HYCC1: variants seen among roughly 807,000 people sequenced by gnomAD.
HYCC1 encodes the protein hyccin PI4KA lipid kinase complex subunit 1.
chr7:23,008,868 T>A, the HYCC1 span, among the ~76,000 whole-genome samples: 25 of 151,994 alleles, frequency 1.6e-4, no homozygotes, highest in African/African-American at 5.6e-4. Flanking sequence ...TAAATTTTTT[T>A]AAAAACTGTG....
chr7:22,947,144 T>C, the HYCC1 span: 2 of 1,549,836 alleles, frequency 1.3e-6, no homozygotes, highest in African/African-American at 1.4e-5. Flanking sequence ...GTGTTCTGCC[T>C]TTTTCCCCAT....
chr7:22,945,459 G>T, the HYCC1 span: 1 of 728,242 alleles, frequency 1.4e-6, no homozygotes, highest in Non-Finnish European at 2.5e-6. Flanking sequence ...ATAAAGTCAG[G>T]GGAGCCTTCA....
chr7:23,006,123 A>T, the HYCC1 span, among the ~76,000 whole-genome samples: 1 of 152,208 alleles, frequency 6.6e-6, no homozygotes, highest in African/African-American at 2.4e-5. Flanking sequence ...CCCCATAGGA[A>T]GGGAATGGGG....
At chr7:22,919,308 C>A in the HYCC1 span, among the ~76,000 whole-genome samples, 2,408 of 152,268 alleles carry the variant, frequency 0.016, 67 homozygotes, top group African/African-American at 0.055. Context: ...GCAGGGGGAT[C>A]ACCTGAAGTT....
the HYCC1 span, among the ~76,000 whole-genome samples, chr7:22,897,946 T>C: frequency 1.3e-5 from 2 of 152,090 alleles, no homozygotes; most frequent in Non-Finnish European, 2.9e-5. Context: ...AGCATTCTTA[T>C]TGCTATCATC....
At chr7:22,919,934 A>G in the HYCC1 span, among the ~76,000 whole-genome samples, 1 of 152,256 alleles carries the variant, frequency 6.6e-6, no homozygotes, top group East Asian at 1.9e-4. Context: ...TTGAGAAAAC[A>G]TTAATCTACA....
chr7:22,918,151 C>T, the HYCC1 span, among the ~76,000 whole-genome samples: 2 of 152,150 alleles, frequency 1.3e-5, no homozygotes, highest in African/African-American at 4.8e-5. Context: ...AACTCGCCAA[C>T]CAAGCAAATA....
At chr7:22,908,031 T>G in the HYCC1 span, among the ~76,000 whole-genome samples, 1 of 152,348 alleles carries the variant, frequency 6.6e-6, no homozygotes, top group Admixed American at 6.5e-5. Flanking sequence ...AAGGTTCTCA[T>G]GCAGGCAGTC....
chr7:23,008,803 A>G, the HYCC1 span, among the ~76,000 whole-genome samples: 4 of 152,066 alleles, frequency 2.6e-5, no homozygotes, highest in Non-Finnish European at 4.4e-5. Flanking sequence ...AAACAGCATT[A>G]AAATAACTGA....
At chr7:22,928,994 T>A in the HYCC1 span, among the ~76,000 whole-genome samples, 4 of 151,988 alleles carry the variant, frequency 2.6e-5, no homozygotes, top group Non-Finnish European at 5.9e-5. Flanking sequence ...AAAACAGAGA[T>A]ATAGACCAAT....
chr7:22,952,448 G>C, the HYCC1 span, among the ~76,000 whole-genome samples: 1 of 152,008 alleles, frequency 6.6e-6, no homozygotes, highest in South Asian at 2.1e-4. Context: ...ATGCCCCTAA[G>C]GCAGAATGGC....
At chr7:22,911,177 T>C in the HYCC1 span, among the ~76,000 whole-genome samples, 1 of 152,188 alleles carries the variant, frequency 6.6e-6, no homozygotes. Context: ...AATACTGAAA[T>C]TGGACCTGTG....
chr7:22,965,594 TAAA>T, the HYCC1 span, among the ~76,000 whole-genome samples: 1 of 114,698 alleles, frequency 8.7e-6, no homozygotes. Flanking sequence ...ACATGGAAAC[TAAA>T]AAAAAAAAAA....
chr7:22,911,248 C>T, the HYCC1 span, among the ~76,000 whole-genome samples: 1 of 152,122 alleles, frequency 6.6e-6, no homozygotes, highest in Admixed American at 6.6e-5. Flanking sequence ...ATGAGAGCAA[C>T]ATTGTGTAGG....
At chr7:22,979,315 A>C in the HYCC1 span, among the ~76,000 whole-genome samples, 4 of 152,352 alleles carry the variant, frequency 2.6e-5, no homozygotes, top group East Asian at 5.8e-4. Context: ...ACACTAAGTC[A>C]AACTAGTCTT....
the HYCC1 span, among the ~76,000 whole-genome samples, chr7:22,906,045 T>C: frequency 2.6e-5 from 4 of 152,156 alleles, no homozygotes; most frequent in African/African-American, 4.8e-5. Flanking sequence ...TACAGTGCCA[T>C]TACTGATGAT....
the HYCC1 span, among the ~76,000 whole-genome samples, chr7:22,998,923 C>T: frequency 6.6e-6 from 1 of 152,208 alleles, no homozygotes; most frequent in African/African-American, 2.4e-5. Context: ...ATCCATGCCA[C>T]TCCAGGCTCC....
the HYCC1 span, among the ~76,000 whole-genome samples, chr7:22,996,830 A>G: frequency 6.6e-6 from 1 of 152,266 alleles, no homozygotes; most frequent in Non-Finnish European, 1.5e-5. Context: ...CATCTATGCC[A>G]AAGACTTGAC....
At chr7:22,902,322 C>T in the HYCC1 span, among the ~76,000 whole-genome samples, 1 of 150,230 alleles carries the variant, frequency 6.7e-6, no homozygotes, top group Non-Finnish European at 1.5e-5. Flanking sequence ...TATTAGAAAA[C>T]AATTTGATAG....
Sources: allele counts gnomAD v4.1 joint callset (sites outside exome capture counted in the v4.1 genomes callset), GRCh38; gene constraint gnomAD v4.1.1; transcripts MANE v1.5; gene names NCBI Gene and HGNC (gene_info 2026-07-23, HGNC 2026-07-21).